Variants in PCDHGA11 observed in about 807,000 individuals in gnomAD.
PCDHGA11 encodes protocadherin gamma-A11.
In PCDHGA11, 39 loss-of-function variants were observed where a neutral mutation model predicts 60.4. The observed-to-expected ratio is 0.65, with a 90% CI of 0.50 to 0.84. PCDHGA11 has a LOEUF of 0.84. Among genes scored for constraint, PCDHGA11 ranks in the 40% least tolerant of loss-of-function variants. The probability of loss-of-function intolerance (pLI) is 0.00; values close to 1 mark genes in which losing one functional copy is unlikely to be tolerated. For missense variants in PCDHGA11, 1,165 were observed against 1,197.7 expected, an observed-to-expected ratio of 0.97 and a Z score of 0.40; for synonymous variants, 533 against 510.3, an observed-to-expected ratio of 1.04 and a Z score of -0.60.
At position 141,486,383 on chromosome 5, in the gene PCDHGA11, C is replaced by A. The variant is rs757384186; in HGVS notation, c.2434-8424C>A. On this transcript the variant is annotated intron_variant, in intron 1 of 3. Transcript: ENST00000398587. The surrounding 1 kb of genome is among the most constrained non-coding windows in gnomAD (Gnocchi z 5.0). ...TGCCCTCAAGTCTGCCTTCAGGAAC[C>A]AGTTCTCCCTGGTGACTGCTGGACC... The A allele has an allele frequency of 6.2e-7, 1 of 1,614,040 alleles. No homozygotes were observed. Among genetic ancestry groups the A allele is most frequent in the East Asian group, 2.2e-5 (1 of 44,884 alleles).
At chr5:141,475,322 G>A (rs1352768659) in intron 1 of PCDHGA11, among the ~76,000 whole-genome samples, 1 of 152,204 alleles carries the variant, frequency 6.6e-6, no homozygotes, top group African/African-American at 2.4e-5. Flanking sequence ...CTTAAGAAAT[G>A]AGAGCTAACA....
chr5:141,510,032 T>C (rs1410346284), intron 3 of PCDHGA11, among the ~76,000 whole-genome samples: 3 of 152,150 alleles, frequency 2.0e-5, no homozygotes, highest in Non-Finnish European at 4.4e-5. Flanking sequence ...GCTGGGCTGT[T>C]ATGTAGAGGT....
At chr5:141,461,821 T>A (rs569091880) in intron 1 of PCDHGA11, among the ~76,000 whole-genome samples, 1 of 151,286 alleles carries the variant, frequency 6.6e-6, no homozygotes, top group South Asian at 2.1e-4. Context: ...ACCCAGCTAA[T>A]TTTTTTTTCT....
intron 1 of PCDHGA11, among the ~76,000 whole-genome samples, chr5:141,466,614 G>A (rs75804312): frequency 1.4e-3 from 218 of 152,142 alleles, no homozygotes; most frequent in Middle Eastern, 6.8e-3. Context: ...GTAAACTGCC[G>A]TTTTCTTTGG....
intron 3 of PCDHGA11, among the ~76,000 whole-genome samples, chr5:141,506,298 A>C (rs887906455): frequency 6.6e-6 from 1 of 151,936 alleles, no homozygotes; most frequent in Non-Finnish European, 1.5e-5. Context: ...AAAATACAAA[A>C]ATTAGCTGGG....
intron 1 of PCDHGA11, chr5:141,430,838 G>A (rs866767896): frequency 2.6e-6 from 4 of 1,562,908 alleles, no homozygotes; most frequent in Non-Finnish European, 3.5e-6. Context: ...GTGGGAGACC[G>A]GATGCACCCA....
intron 1 of PCDHGA11, chr5:141,468,696 C>G (rs1483766202): frequency 6.6e-6 from 1 of 151,386 alleles, no homozygotes; most frequent in East Asian, 2.0e-4. Context: ...GAAACCCCGT[C>G]TCTACTAAAA....
In PCDHGA11 at chr5:141,431,129, A is replaced by G. The variant is rs771219303; in HGVS notation, c.2433+7469A>G. The G allele has an allele frequency of 7.4e-6, 12 of 1,614,152 alleles. No homozygotes were observed. The Admixed American group carries it at 1.7e-4, about 22-fold the overall frequency. Reference sequence around the variant, plus strand: ...AATATATGGAGTAGAAGTAGAAGTAAGGGACATTAACGACAATGCGCCTTA... The same window carrying G: ...AATATATGGAGTAGAAGTAGAAGTAGGGGACATTAACGACAATGCGCCTTA... On this transcript the variant is annotated intron_variant, in intron 1 of 3. Coordinates refer to ENST00000398587, the MANE Select transcript of PCDHGA11 (RefSeq NM_018914.3). The surrounding 1 kb of genome is among the most constrained non-coding windows in gnomAD (Gnocchi z 4.8).
At chr5:141,467,672 A>T (rs1410623274) in intron 1 of PCDHGA11, among the ~76,000 whole-genome samples, 2 of 151,636 alleles carry the variant, frequency 1.3e-5, no homozygotes, top group Non-Finnish European at 2.9e-5. Context: ...GAAGATTTTT[A>T]TTTTTTTTAG....
In PCDHGA11 at chr5:141,490,679, A is replaced by C; in HGVS notation, c.2434-4128A>C. On this transcript the variant is annotated intron_variant, in intron 1 of 3. Coordinates refer to ENST00000398587, the MANE Select transcript of PCDHGA11 (RefSeq NM_018914.3). The surrounding 1 kb of genome is among the most constrained non-coding windows in gnomAD (Gnocchi z 5.4). ...CTTCTTTGCACTGTGGCTGCCTCAG[A>C]TCCAGACACTGGGGATAATGCCCGC... 6.2e-7 allele frequency: 1 copy of C among 1,614,164 alleles called. No individual in the cohort carries two copies. The highest frequency in any genetic ancestry group is 8.5e-7 in the Non-Finnish European group (1 of 1,180,034).
intron 3 of PCDHGA11, among the ~76,000 whole-genome samples, chr5:141,510,117 T>C (rs1205620535): frequency 6.6e-6 from 1 of 151,908 alleles, no homozygotes; most frequent in East Asian, 1.9e-4. Context: ...TGTTTTGAAA[T>C]ACAAAAATTA....
intron 1 of PCDHGA11, chr5:141,442,360 G>A (rs890049391): frequency 6.6e-6 from 1 of 152,272 alleles, no homozygotes; most frequent in African/African-American, 2.4e-5. Flanking sequence ...GTAGCTCTAT[G>A]ATGCCATATT....
intron 1 of PCDHGA11, among the ~76,000 whole-genome samples, chr5:141,435,478 C>A (rs1279447863): frequency 6.6e-6 from 1 of 152,146 alleles, no homozygotes; most frequent in Non-Finnish European, 1.5e-5. Flanking sequence ...TTAGACATTT[C>A]TTTTGCCCAT....
rs778851755 is a variant in PCDHGA11, at chr5:141,477,795, G to A, written c.2434-17012G>A. ...AGCGTGAACATATTTGTCACTGATC[G>A]CAATGACAATGCCCCCCAGGTCCTA... On this transcript the variant is annotated intron_variant, in intron 1 of 3. Coordinates refer to ENST00000398587, the MANE Select transcript of PCDHGA11 (RefSeq NM_018914.3). This position sits in a 1 kb window ranked among gnomAD's most constrained non-coding sequence, Gnocchi z 4.9. The A allele has an allele frequency of 3.1e-6, 5 of 1,613,946 alleles. No individual in the cohort carries two copies. In the African/African-American group the frequency reaches 6.7e-5, roughly 22 times the overall value.
Position 141,485,468 on chromosome 5 carries a change from A to G in PCDHGA11, c.2434-9339A>G. On this transcript the variant is annotated intron_variant, in intron 1 of 3. Coordinates refer to ENST00000398587, the MANE Select transcript of PCDHGA11 (RefSeq NM_018914.3). This position sits in a 1 kb window ranked among gnomAD's most constrained non-coding sequence, Gnocchi z 5.7. The stretch of plus-strand genomic sequence containing the variant: ...CGACCGAGAGGCACTGTGTGGGCTC[A>G]GTGCCAGCTGCATCGTGCCCCTGGA... 1 of 1,614,166 alleles carries G rather than the reference A, an allele frequency of 6.2e-7. No homozygotes were observed. Among genetic ancestry groups the G allele is most frequent in the Non-Finnish European group, 8.5e-7 (1 of 1,180,020 alleles).
At chr5:141,430,557 G>C (rs1161595629) in intron 1 of PCDHGA11, 5 of 412,906 alleles carry the variant, frequency 1.2e-5, no homozygotes, top group Non-Finnish European at 1.7e-5. Context: ...TTCACCAATC[G>C]GGGAGAGAAA....
At chr5:141,444,813 T>A (rs1382814369) in intron 1 of PCDHGA11, among the ~76,000 whole-genome samples, 3 of 152,228 alleles carry the variant, frequency 2.0e-5, no homozygotes, top group African/African-American at 4.8e-5. Flanking sequence ...AATAGCACAC[T>A]GTCTCAATTA....
In PCDHGA11 at chr5:141,486,269, G is replaced by T; in HGVS notation, c.2434-8538G>T. 6.2e-7 allele frequency: 1 copy of T among 1,613,996 alleles called. No homozygotes were observed. The highest frequency in any genetic ancestry group is 8.5e-7 in the Non-Finnish European group (1 of 1,179,956). On this transcript the variant is annotated intron_variant, in intron 1 of 3. Transcript: ENST00000398587. The surrounding 1 kb of genome is among the most constrained non-coding windows in gnomAD (Gnocchi z 5.0). ...AACCCTCCCCGAGAGTGCAGAACCT[G>T]GCACTGTGGTGGCACTTATCAGTGT...
Position 141,423,691 on chromosome 5 carries a change from T to C in PCDHGA11, c.2433+31T>C. On this transcript the variant is annotated intron_variant, in intron 1 of 3. Coordinates refer to ENST00000398587, the MANE Select transcript of PCDHGA11 (RefSeq NM_018914.3). Reference sequence around the variant, plus strand: ...ATTTATTTCTCTGCCTCCTAATTGTTGGTGTCTTGGCACAAGTCTTTTAAG... The same window carrying C: ...ATTTATTTCTCTGCCTCCTAATTGTCGGTGTCTTGGCACAAGTCTTTTAAG... 5 of 1,506,830 alleles carry C rather than the reference T, an allele frequency of 3.3e-6. No individual in the cohort carries two copies. The South Asian group carries it at 6.9e-5, about 21-fold the overall frequency. 93.3% of individuals were successfully genotyped at this position (1,506,830 alleles called of 1,614,324 possible).
Sources: allele counts gnomAD v4.1 joint callset (sites outside exome capture counted in the v4.1 genomes callset), GRCh38; gene constraint gnomAD v4.1.1; non-coding constraint Gnocchi (gnomAD v3.1); transcripts MANE v1.5; gene names NCBI Gene and HGNC (gene_info 2026-07-23, HGNC 2026-07-21).